The following MGST2 variants were observed in gnomAD, a reference collection of about 807,000 sequenced individuals.
MGST2 encodes the protein glutathione peroxidase MGST2.
MGST2 carries 9 observed loss-of-function variants against 16.6 expected under a neutral mutation model. The observed-to-expected ratio is 0.54, with a 90% CI of 0.33 to 0.95. The LOEUF (loss-of-function observed/expected upper bound fraction) is 0.95, where lower values mean the gene tolerates loss of function less well. Ranked by LOEUF, MGST2 falls within the 40% of genes least tolerant of loss-of-function variation. The pLI is 0.03. For missense variants in MGST2, 159 were observed against 175.1 expected (o/e 0.91, Z 0.52); for synonymous variants, 79 against 68.0 (o/e 1.16, Z -0.79).
intron 5 of MGST2, among the ~76,000 whole-genome samples, chr4:139,738,478 G>A (rs1729032457): frequency 1.3e-5 from 2 of 152,140 alleles, no homozygotes; most frequent in South Asian, 2.1e-4. Flanking sequence ...GGGAGGCGGA[G>A]GTTGCAGTGA....
At chr4:139,682,263 C>T (rs992071641) in intron 2 of MGST2, among the ~76,000 whole-genome samples, 1 of 147,486 alleles carries the variant, frequency 6.8e-6, no homozygotes, top group Non-Finnish European at 1.5e-5. Flanking sequence ...AAAACAAAAA[C>T]AGAAAGGATA....
chr4:139,717,977 T>G (rs1728059759), intron 5 of MGST2: 1 of 152,240 alleles, frequency 6.6e-6, no homozygotes, highest in Admixed American at 6.5e-5. Flanking sequence ...ACATCTCCTT[T>G]CTATCCAAAT....
At chr4:139,749,623 T>G in the MGST2 span, among the ~76,000 whole-genome samples, 1 of 152,214 alleles carries the variant, frequency 6.6e-6, no homozygotes, top group East Asian at 1.9e-4. Flanking sequence ...GGACTTGACA[T>G]GGAGGCCACA....
chr4:139,713,115 G>A (rs1004874451), intron 5 of MGST2, among the ~76,000 whole-genome samples: 1 of 152,084 alleles, frequency 6.6e-6, no homozygotes, highest in African/African-American at 2.4e-5. Context: ...CCAAGTGTGC[G>A]GAGTCAAAGT....
intron 5 of MGST2, among the ~76,000 whole-genome samples, chr4:139,726,425 G>A (rs530396115): frequency 6.6e-6 from 1 of 152,256 alleles, no homozygotes; most frequent in South Asian, 2.1e-4. Context: ...GTGAACATCT[G>A]TATGTATTTC....
At chr4:139,747,618 G>A in the MGST2 span, among the ~76,000 whole-genome samples, 2 of 149,774 alleles carry the variant, frequency 1.3e-5, no homozygotes, top group South Asian at 2.1e-4. Flanking sequence ...TGCCTGAACC[G>A]GGAGGGTGGA....
chr4:139,676,759 C>T (rs868609916), intron 1 of MGST2, among the ~76,000 whole-genome samples: 1 of 152,162 alleles, frequency 6.6e-6, no homozygotes, highest in African/African-American at 2.4e-5. Flanking sequence ...ACAAACAAAG[C>T]TGCTGTGAAT....
chr4:139,745,080 C>CA (rs1478032561), downstream of MGST2, among the ~76,000 whole-genome samples: 1 of 152,170 alleles, frequency 6.6e-6, no homozygotes, highest in East Asian at 1.9e-4. Context: ...CATGGATTAG[C>CA]AGGGACTTGA....
At chr4:139,671,007 G>C (rs569253864) in intron 1 of MGST2, among the ~76,000 whole-genome samples, 1 of 152,320 alleles carries the variant, frequency 6.6e-6, no homozygotes, top group Admixed American at 6.5e-5. Flanking sequence ...GGCCTAATGA[G>C]ATTTGATGGT....
chr4:139,720,071 A>T (rs1728169330), intron 5 of MGST2: 1 of 1,614,066 alleles, frequency 6.2e-7, no homozygotes, highest in Non-Finnish European at 8.5e-7. Flanking sequence ...TGTGATGCTC[A>T]TGCCACTTTG....
chr4:139,704,272 C>G (rs1316265916), downstream of MGST2: 5 of 1,211,880 alleles, frequency 4.1e-6, no homozygotes, highest in East Asian at 1.2e-4. Context: ...TAGAAACACA[C>G]ACTTTAGAGA....
intron 5 of MGST2, among the ~76,000 whole-genome samples, chr4:139,729,471 AT>A (rs1244854311): frequency 6.6e-6 from 1 of 152,154 alleles, no homozygotes; most frequent in Non-Finnish European, 1.5e-5. Context: ...TTAAGAAAAA[AT>A]TCATAAAATT....
At chr4:139,678,693 A>C in intron 2 of MGST2, 51 bp downstream of exon 2, 1 of 1,352,086 alleles carries the variant, frequency 7.4e-7, no homozygotes, top group Admixed American at 1.7e-5. Context: ...CCATACAGAC[A>C]CAATTCCTGA....
chr4:139,676,956 A>G (rs1298496291), intron 1 of MGST2, among the ~76,000 whole-genome samples: 1 of 152,118 alleles, frequency 6.6e-6, no homozygotes, highest in Non-Finnish European at 1.5e-5. Flanking sequence ...GGAGTCTGAC[A>G]CCTGTAAAGA....
intron 5 of MGST2, chr4:139,716,767 C>G (rs139078631): frequency 1.3e-5 from 2 of 152,428 alleles, no homozygotes; most frequent in East Asian, 3.8e-4. Context: ...TTCAGATAAT[C>G]TTTTATTTTT....
the MGST2 span, among the ~76,000 whole-genome samples, chr4:139,750,087 T>C: frequency 6.6e-6 from 1 of 152,132 alleles, no homozygotes; most frequent in African/African-American, 2.4e-5. Context: ...CAAGAAACTC[T>C]GAATGGCAGA....
At chr4:139,719,707 C>A in intron 5 of MGST2, 1 of 1,613,668 alleles carries the variant, frequency 6.2e-7, no homozygotes, top group South Asian at 1.1e-5. Context: ...TGTTAGCATC[C>A]ACGACTGACT....
Position 139,721,012 on chromosome 4 carries a change from C to A in MGST2, c.*48+16816C>A, listed in dbSNP as rs563343564. Among the ~76,000 whole-genome samples the A allele has an allele frequency of 1.1e-4, 16 of 152,348 alleles. No homozygotes were observed. In the South Asian group the frequency reaches 1.9e-3, roughly 18 times the overall value. The stretch of plus-strand genomic sequence containing the variant: ...TAGATTTCAACATGCTCCAGATTCT[C>A]TGAATCATAACTTGTCATTGCAAAC... On this transcript the variant is annotated intron_variant, in intron 5 of 5. Transcript: ENST00000616265.
Position 139,689,324 on chromosome 4 carries a change from C to T in MGST2, c.159-5873C>T, listed in dbSNP as rs144312749. Among the ~76,000 whole-genome samples the T allele has an allele frequency of 4.2e-4, 64 of 152,254 alleles. 1 individual carries two copies. The East Asian group carries it at 0.011, about 27-fold the overall frequency. On this transcript the variant is annotated intron_variant, in intron 2 of 4. Transcript: ENST00000265498. ...TCTTTGTGTTCCCTACAAGCAGCAC[C>T]ACTGAAGGGCAGTGGTGGGACTCAT...
Sources: gnomAD v4.1 joint callset for allele counts (sites outside exome capture counted in the v4.1 genomes callset) on GRCh38, gnomAD v4.1.1 for gene constraint, MANE v1.5 for transcripts, NCBI Gene and HGNC (gene_info 2026-07-23, HGNC 2026-07-21) for gene names.